Variants in AFF2 observed in about 807,000 individuals in gnomAD.
AFF2 encodes ALF transcription elongation factor 2, also known as AF4/FMR2 family member 2.
Under a neutral mutation model 76.9 loss-of-function variants are expected in AFF2, and 14 were observed. The observed-to-expected ratio is 0.18, with a 90% confidence interval of 0.12 to 0.28. AFF2 has a LOEUF of 0.28. Among genes scored for constraint, AFF2 ranks in the 10% least tolerant of loss-of-function variants. AFF2 has a pLI of 1.00. For synonymous variants in AFF2, 398 were observed against 366.7 expected (o/e 1.09, Z -0.98); for missense variants, 868 against 1,001.1 (o/e 0.87, Z 1.79).
At position 148,707,505 on chromosome X, in the gene AFF2, C is replaced by A. The variant is rs1244961201; in HGVS notation, c.1041+44737C>A. ...GAAAATAATATATATATTTTTTTTC[C>A]TTTTTTTTTGTCATTTGGGGGAAGG... On this transcript the variant is annotated intron_variant, in intron 3 of 20. Coordinates refer to ENST00000370460, the MANE Select transcript of AFF2 (RefSeq NM_002025.4). Among the ~76,000 whole-genome samples the A allele has an allele frequency of 2.9e-4, 31 of 106,264 alleles. No individual in the cohort carries two copies. The Admixed American group carries it at 3.0e-3, about 10-fold the overall frequency. 92.3% of individuals were successfully genotyped at this position (106,264 alleles called of 115,157 possible).
intron 7 of AFF2, among the ~76,000 whole-genome samples, chrX:148,865,073 G>C (rs782732866): frequency 1.8e-5 from 2 of 112,282 alleles, no homozygotes; most frequent in South Asian, 7.4e-4. Flanking sequence ...TACAAGGCAG[G>C]TCACAAATTG....
intron 1 of AFF2, among the ~76,000 whole-genome samples, chrX:148,634,898 T>G (rs1557253591): frequency 9.0e-6 from 1 of 111,699 alleles, no homozygotes; most frequent in Non-Finnish European, 1.9e-5. Flanking sequence ...GAGGTGGTTC[T>G]GAGAAGAGAC....
chrX:148,949,746 T>A (rs1172950565), intron 9 of AFF2, among the ~76,000 whole-genome samples: 5 of 112,636 alleles, frequency 4.4e-5, no homozygotes, highest in African/African-American at 1.6e-4. Context: ...GATGGCTTAA[T>A]ATAGCAAATG....
chrX:148,759,626 C>G (rs1484184020), intron 3 of AFF2, among the ~76,000 whole-genome samples: 1 of 111,875 alleles, frequency 8.9e-6, no homozygotes, highest in Non-Finnish European at 1.9e-5. Flanking sequence ...ACAGTGCAAG[C>G]ATGGTGTTGA....
chrX:148,671,611 T>C (rs2054424396), intron 3 of AFF2, among the ~76,000 whole-genome samples: 2 of 111,269 alleles, frequency 1.8e-5, no homozygotes, highest in African/African-American at 6.5e-5. Flanking sequence ...CATAACCCTC[T>C]AGGAGTATCC....
At chrX:148,917,920 A>C (rs16994815) in intron 9 of AFF2, among the ~76,000 whole-genome samples, 11,059 of 112,042 alleles carry the variant, frequency 0.099, 1,332 homozygotes, top group African/African-American at 0.34. Flanking sequence ...GACCGTGTTA[A>C]AGGAAATAAC....
intron 9 of AFF2, among the ~76,000 whole-genome samples, chrX:148,914,993 C>T (rs1457245407): frequency 3.6e-5 from 4 of 112,260 alleles, no homozygotes; most frequent in Non-Finnish European, 7.5e-5. Context: ...CCGCAGAATG[C>T]GTTCAGAGTC....
chrX:148,593,844 G>T (rs1000239894), intron 1 of AFF2, among the ~76,000 whole-genome samples: 3 of 111,324 alleles, frequency 2.7e-5, no homozygotes, highest in Non-Finnish European at 3.8e-5. Flanking sequence ...CTGAAGCTCA[G>T]AGAGTGTGAA....
chrX:148,941,624 A>G (rs1176960168), intron 9 of AFF2, among the ~76,000 whole-genome samples: 1 of 112,208 alleles, frequency 8.9e-6, no homozygotes, highest in Non-Finnish European at 1.9e-5. Context: ...CTAAATACCA[A>G]TTACATTAAA....
chrX:148,735,107 G>C (rs1172270911), intron 3 of AFF2, among the ~76,000 whole-genome samples: 1 of 111,999 alleles, frequency 8.9e-6, no homozygotes, highest in Non-Finnish European at 1.9e-5. Flanking sequence ...TGGCTTGCTT[G>C]GGAATTACAT....
intron 9 of AFF2, among the ~76,000 whole-genome samples, chrX:148,932,676 A>ACC (rs201044478): frequency 9.0e-6 from 1 of 110,656 alleles, no homozygotes; most frequent in African/African-American, 3.3e-5. Flanking sequence ...GAAGTACTCA[A>ACC]CCCCCCTACC....
chrX:148,912,305 C>CCCTGGTGT (rs1215021395), intron 9 of AFF2, among the ~76,000 whole-genome samples: 2 of 111,951 alleles, frequency 1.8e-5, no homozygotes, highest in Non-Finnish European at 3.8e-5. Context: ...CCCCATCAGG[C>CCCTGGTGT]CCTGGTGTGT....
chrX:148,676,633 C>G (rs2054488721), intron 3 of AFF2, among the ~76,000 whole-genome samples: 1 of 111,818 alleles, frequency 8.9e-6, no homozygotes, highest in African/African-American at 3.2e-5. Context: ...GAATAGCTAT[C>G]TGAGGTGTTT....
chrX:148,522,681 C>T (rs782436882), intron 1 of AFF2, among the ~76,000 whole-genome samples: 8 of 111,821 alleles, frequency 7.2e-5, no homozygotes, highest in East Asian at 2.8e-4. Context: ...AGTTGCACAA[C>T]GATTACTTAT....
chrX:148,682,472 G>T (rs782509238), intron 3 of AFF2, among the ~76,000 whole-genome samples: 1 of 111,359 alleles, frequency 9.0e-6, no homozygotes, highest in East Asian at 2.8e-4. Flanking sequence ...AGACCAGCCC[G>T]CTTCTGGGAA....
chrX:148,988,643 T>C (rs1003537930), intron 20 of AFF2, among the ~76,000 whole-genome samples: 24 of 112,028 alleles, frequency 2.1e-4, no homozygotes, highest in Non-Finnish European at 3.2e-4. Flanking sequence ...AAAGATTTAT[T>C]ATCTTTCCTT....
chrX:148,892,330 T>A (rs1357425372), intron 8 of AFF2, among the ~76,000 whole-genome samples: 1 of 108,272 alleles, frequency 9.2e-6, no homozygotes, highest in Non-Finnish European at 1.9e-5. Context: ...CTTCATAGTT[T>A]TGTTTTTTCT....
chrX:148,600,760 C>G (rs2053618421), intron 1 of AFF2, among the ~76,000 whole-genome samples: 1 of 112,228 alleles, frequency 8.9e-6, no homozygotes, highest in Admixed American at 9.4e-5. Flanking sequence ...TCTCCAGATG[C>G]CTGCCGCCCC....
chrX:148,643,623 G>A (rs1369004604), intron 1 of AFF2, among the ~76,000 whole-genome samples: 1 of 112,103 alleles, frequency 8.9e-6, no homozygotes, highest in African/African-American at 3.2e-5. Context: ...GAAACTCAGG[G>A]ATCCTTAGAT....
Sources: gnomAD v4.1 joint callset for allele counts (sites outside exome capture counted in the v4.1 genomes callset) on GRCh38, gnomAD v4.1.1 for gene constraint, MANE v1.5 for transcripts, NCBI Gene and HGNC (gene_info 2026-07-23, HGNC 2026-07-21) for gene names.